ERBB4: variants seen among roughly 807,000 people sequenced by gnomAD.
ERBB4 encodes receptor tyrosine-protein kinase erbB-4.
In ERBB4, 42 loss-of-function variants were observed where a neutral mutation model predicts 158.0. The observed-to-expected ratio is 0.27, with a 90% CI of 0.21 to 0.34. The LOEUF is 0.34. Ranked by LOEUF, ERBB4 falls within the 10% of genes least tolerant of loss-of-function variation. The probability of loss-of-function intolerance (pLI) is 1.00; values close to 1 mark genes in which losing one functional copy is unlikely to be tolerated. For synonymous variants in ERBB4, 583 were observed against 558.7 expected (o/e 1.04, Z -0.61); for missense variants, 1,333 against 1,624.1 (o/e 0.82, Z 3.08).
chr2:211,887,415 G>C (rs985030278), intron 3 of ERBB4, among the ~76,000 whole-genome samples: 12 of 151,936 alleles, frequency 7.9e-5, no homozygotes, highest in African/African-American at 2.9e-4. Flanking sequence ...CCAGTCCATG[G>C]TGTTCAGTGC....
chr2:212,380,795 C>A (rs1388363110), intron 1 of ERBB4, among the ~76,000 whole-genome samples: 3 of 150,922 alleles, frequency 2.0e-5, no homozygotes, highest in South Asian at 2.1e-4. Context: ...AATCCCATAG[C>A]AATTGATGAC....
In ERBB4 at chr2:211,905,736, A is replaced by ATGTG. The variant is rs201095879; in HGVS notation, c.421+41690_421+41693dup. Among the ~76,000 whole-genome samples, 9 of 90,180 alleles carry ATGTG rather than the reference A, an allele frequency of 1.0e-4. 1 individual carries two copies. Among genetic ancestry groups the ATGTG allele is most frequent in the African/African-American group, 3.5e-4 (9 of 25,402 alleles). The allele number at this position is 90,180 out of a possible 152,430, so 59.2% of individuals were successfully genotyped here. A position where few individuals can be genotyped will look rare whatever the true frequency, so the allele number is the denominator to read the frequency against. ...TATATATGTGTGTGTATGTGTGTGCATGTGTGTGTATATATATATATATAT... is the reference window on the plus strand; with the variant it reads ...TATATATGTGTGTGTATGTGTGTGCATGTGTGTGTGTGTATATATATATATATAT... On this transcript the variant is annotated intron_variant, in intron 3 of 27. Transcript: ENST00000342788.
intron 13 of ERBB4, among the ~76,000 whole-genome samples, chr2:211,675,149 G>A (rs2072008966): frequency 6.6e-6 from 1 of 152,084 alleles, no homozygotes; most frequent in South Asian, 2.1e-4. Context: ...CTTTGCCAGA[G>A]TCACCCTTTC....
At chr2:211,601,260 C>T (rs946502626) in intron 19 of ERBB4, among the ~76,000 whole-genome samples, 8 of 151,168 alleles carry the variant, frequency 5.3e-5, no homozygotes, top group African/African-American at 2.0e-4. Flanking sequence ...AAAAAACATA[C>T]ACCTGGAAAA....
At chr2:212,303,611 T>G (rs969900762) in intron 1 of ERBB4, among the ~76,000 whole-genome samples, 3 of 151,620 alleles carry the variant, frequency 2.0e-5, no homozygotes, top group Non-Finnish European at 4.4e-5. Flanking sequence ...TGTAATAGAT[T>G]ACTTATTCAA....
At chr2:212,180,063 T>C (rs1266465204) in intron 1 of ERBB4, among the ~76,000 whole-genome samples, 1 of 151,720 alleles carries the variant, frequency 6.6e-6, no homozygotes, top group Non-Finnish European at 1.5e-5. Flanking sequence ...GCCATGCAGA[T>C]CCTTTTGAAA....
chr2:212,177,249 A>G (rs2125682961), intron 1 of ERBB4, among the ~76,000 whole-genome samples: 1 of 151,934 alleles, frequency 6.6e-6, no homozygotes, highest in East Asian at 1.9e-4. Context: ...TATATATAAA[A>G]TCCCTATGGT....
At chr2:212,138,389 C>T (rs1416233170) in intron 1 of ERBB4, among the ~76,000 whole-genome samples, 2 of 151,968 alleles carry the variant, frequency 1.3e-5, no homozygotes, top group East Asian at 3.9e-4. Context: ...GATGTTTGCC[C>T]CCTCCAAAAC....
chr2:211,880,783 A>G (rs1343716461), intron 3 of ERBB4, among the ~76,000 whole-genome samples: 1 of 113,956 alleles, frequency 8.8e-6, no homozygotes, highest in African/African-American at 3.9e-5. Flanking sequence ...AAAGAAATGA[A>G]CAGTTTACAA....
At chr2:211,575,344 A>T (rs1242660195) in intron 19 of ERBB4, among the ~76,000 whole-genome samples, 1 of 152,182 alleles carries the variant, frequency 6.6e-6, no homozygotes, top group Non-Finnish European at 1.5e-5. Context: ...TCAACCACTT[A>T]ATCTTCCAAT....
chr2:211,588,656 G>T (rs1480469334), intron 19 of ERBB4, among the ~76,000 whole-genome samples: 1 of 152,090 alleles, frequency 6.6e-6, no homozygotes, highest in Non-Finnish European at 1.5e-5. Flanking sequence ...GAGAGGTTAA[G>T]TAACTTGACC....
intron 3 of ERBB4, among the ~76,000 whole-genome samples, chr2:211,869,157 G>C (rs2078280725): frequency 6.6e-6 from 1 of 152,212 alleles, no homozygotes; most frequent in Non-Finnish European, 1.5e-5. Context: ...CTTCAATCCT[G>C]CCAAGAACGA....
At chr2:211,637,927 G>A (rs1192785750) in intron 16 of ERBB4, among the ~76,000 whole-genome samples, 2 of 151,802 alleles carry the variant, frequency 1.3e-5, no homozygotes, top group East Asian at 3.9e-4. Flanking sequence ...ATGCTTGATA[G>A]TAGAGAATAC....
chr2:211,573,677 T>A (rs1250870224), intron 19 of ERBB4, among the ~76,000 whole-genome samples: 2 of 132,932 alleles, frequency 1.5e-5, no homozygotes, highest in African/African-American at 3.0e-5. Flanking sequence ...CTCAAAAAAA[T>A]AAATAAATAA....
Position 212,000,194 on chromosome 2 carries a change from A to G in ERBB4, c.235-52578T>C, listed in dbSNP as rs535189226. Among the ~76,000 whole-genome samples the G allele has an allele frequency of 3.3e-5, 5 of 151,984 alleles. No individual in the cohort carries two copies. In the South Asian group the frequency reaches 8.3e-4, roughly 25 times the overall value. ...ATATATATTATTTTGATATTCATCA[A>G]TATTGCCTCTGACAACTTTTGAATG... is the stretch of plus-strand genomic sequence containing the variant. On this transcript the variant is annotated intron_variant, in intron 2 of 27. Transcript: ENST00000342788.
At chr2:212,530,831 T>C (rs1692717530) in intron 1 of ERBB4, among the ~76,000 whole-genome samples, 1 of 152,188 alleles carries the variant, frequency 6.6e-6, no homozygotes, top group Admixed American at 6.5e-5. Context: ...GTGAAACCGA[T>C]TGTTTACAAG....
chr2:212,299,994 C>A (rs1376308342), intron 1 of ERBB4, among the ~76,000 whole-genome samples: 1 of 151,526 alleles, frequency 6.6e-6, no homozygotes, highest in Admixed American at 6.6e-5. Context: ...AAACTCATAG[C>A]CCCACATTTT....
intron 3 of ERBB4, among the ~76,000 whole-genome samples, chr2:211,879,810 G>C (rs2078612871): frequency 6.6e-6 from 1 of 152,018 alleles, no homozygotes; most frequent in Middle Eastern, 3.4e-3. Flanking sequence ...TCATACAAAA[G>C]GGGAGCATAT....
intron 1 of ERBB4, among the ~76,000 whole-genome samples, chr2:212,278,354 C>G (rs577175058): frequency 2.0e-5 from 3 of 151,740 alleles, no homozygotes; most frequent in Non-Finnish European, 4.4e-5. Flanking sequence ...TTCCTTTTGA[C>G]TTTATCAAAC....
Sources: gnomAD v4.1 joint callset for allele counts (sites outside exome capture counted in the v4.1 genomes callset) on GRCh38, gnomAD v4.1.1 for gene constraint, MANE v1.5 for transcripts, NCBI Gene and HGNC (gene_info 2026-07-23, HGNC 2026-07-21) for gene names.